Variants in CEP128 observed in about 807,000 individuals in gnomAD.
The protein encoded by CEP128 is centrosomal protein 128, also known as centrosomal protein 128kDa.
CEP128 carries 132 observed loss-of-function variants against 156.7 expected under a neutral mutation model. The observed-to-expected ratio is 0.84, with a 90% CI of 0.73 to 0.97. The LOEUF is 0.97. Ranked by LOEUF, CEP128 falls within the 50% of genes least tolerant of loss-of-function variation. CEP128 has a pLI of 0.00. For synonymous variants in CEP128, 469 were observed against 448.9 expected (o/e 1.04, Z -0.57); for missense variants, 1,252 against 1,281.9 (o/e 0.98, Z 0.36).
chr14:80,581,134 C>T (rs774931735), intron 19 of CEP128, among the ~76,000 whole-genome samples: 1 of 152,130 alleles, frequency 6.6e-6, no homozygotes, highest in Non-Finnish European at 1.5e-5. Flanking sequence ...TATGAACTTG[C>T]TATTAAGAAA....
intron 24 of CEP128, among the ~76,000 whole-genome samples, chr14:80,498,096 C>T (rs1321240146): frequency 6.6e-6 from 1 of 152,150 alleles, no homozygotes; most frequent in Non-Finnish European, 1.5e-5. Context: ...TCTCTGATGC[C>T]TGCTCATTCC....
chr14:80,922,318 A>T (rs1237932400), intron 2 of CEP128, among the ~76,000 whole-genome samples: 2 of 152,196 alleles, frequency 1.3e-5, no homozygotes, highest in African/African-American at 4.8e-5. Context: ...AAGAAACGGG[A>T]TCACAGTGCC....
intron 20 of CEP128, among the ~76,000 whole-genome samples, chr14:80,560,862 C>T (rs529190917): frequency 2.0e-5 from 3 of 152,152 alleles, no homozygotes; most frequent in South Asian, 2.1e-4. Flanking sequence ...ACCTTGTGAT[C>T]GTGCAAGTTA....
intron 19 of CEP128, among the ~76,000 whole-genome samples, chr14:80,740,292 T>C (rs763292876): frequency 6.6e-6 from 1 of 152,098 alleles, no homozygotes; most frequent in East Asian, 1.9e-4. Flanking sequence ...TCATAGAAAC[T>C]CTATGCTAGG....
intron 19 of CEP128, among the ~76,000 whole-genome samples, chr14:80,723,019 G>T (rs1340517776): frequency 1.3e-5 from 2 of 151,748 alleles, no homozygotes; most frequent in Non-Finnish European, 2.9e-5. Context: ...GTAGAGACGG[G>T]GATTCACCGT....
Position 80,914,305 on chromosome 14 carries a change from C to T in CEP128, c.234+17G>A, listed in dbSNP as rs534073552. The T allele has an allele frequency of 1.1e-5, 18 of 1,595,028 alleles. No individual in the cohort carries two copies. The East Asian group carries it at 3.8e-4, about 34-fold the overall frequency. ...AAAGGTGGGTAGGAGAAAATGCAAA[C>T]AAATGTAGTTTCTCACATGTTCTAT... On this transcript the variant is annotated intron_variant, in intron 4 of 24. Transcript: ENST00000555265.
intron 2 of CEP128, among the ~76,000 whole-genome samples, chr14:80,938,070 G>T (rs190253846): frequency 1.1e-4 from 16 of 150,968 alleles, no homozygotes; most frequent in East Asian, 3.9e-4. Flanking sequence ...CTAATTTTTT[G>T]ATTTTTTTGT....
chr14:80,779,646 G>C (rs1012864227), intron 15 of CEP128, among the ~76,000 whole-genome samples: 1 of 152,106 alleles, frequency 6.6e-6, no homozygotes, highest in Non-Finnish European at 1.5e-5. Flanking sequence ...TCATTTGATA[G>C]CTTGAAATCA....
chr14:80,840,699 C>T lies in CEP128; in HGVS notation c.832G>A (p.Glu278Lys). ...GAIKNKLRQT[E>K]TEKNQLEQEL... ...AATCTTACTTGATTCTTCTCAGTTT[C>T]AGTTTGTCTTAGCTTATTTTTTATT... The change falls in exon 10 of 25, where the codon GAA becomes AAA. Residue 278 changes from glutamate (E) to lysine (K), a missense_variant. Glu to Lys is a moderately conservative substitution (Grantham distance 56, BLOSUM62 1). Coordinates refer to ENST00000555265, the MANE Select transcript of CEP128 (RefSeq NM_152446.5). 6.2e-7 allele frequency: 1 copy of T among 1,604,216 alleles called. No individual in the cohort carries two copies. The highest frequency in any genetic ancestry group is 1.1e-5 in the South Asian group (1 of 90,412).
chr14:80,779,420 T>C (rs1426418124), intron 15 of CEP128, among the ~76,000 whole-genome samples: 1 of 152,166 alleles, frequency 6.6e-6, no homozygotes, highest in African/African-American at 2.4e-5. Context: ...CAGCCCAAAA[T>C]AAATTTACAA....
intron 2 of CEP128, among the ~76,000 whole-genome samples, chr14:80,924,110 C>T (rs1301077515): frequency 6.6e-6 from 1 of 152,180 alleles, no homozygotes; most frequent in African/African-American, 2.4e-5. Context: ...AATCTCATGT[C>T]ATATCTTTAT....
At chr14:80,581,302 T>C (rs560663085) in intron 19 of CEP128, among the ~76,000 whole-genome samples, 1 of 152,308 alleles carries the variant, frequency 6.6e-6, no homozygotes, top group South Asian at 2.1e-4. Flanking sequence ...ACTCTCTCAT[T>C]GATATAGCTT....
At chr14:80,825,904 G>C (rs184346933) in intron 13 of CEP128, among the ~76,000 whole-genome samples, 20 of 152,000 alleles carry the variant, frequency 1.3e-4, no homozygotes. Context: ...TCAGGAGTTC[G>C]AGACCAGCCT....
intron 8 of CEP128, among the ~76,000 whole-genome samples, chr14:80,895,440 C>T (rs2139394906): frequency 6.6e-6 from 1 of 152,226 alleles, no homozygotes; most frequent in East Asian, 1.9e-4. Flanking sequence ...TCATCATAAA[C>T]TCTAACCTAG....
intron 24 of CEP128, among the ~76,000 whole-genome samples, chr14:80,501,030 A>G (rs1887707498): frequency 6.6e-6 from 1 of 151,108 alleles, no homozygotes; most frequent in Non-Finnish European, 1.5e-5. Context: ...GTCCACTAGT[A>G]GTCTTTTTTT....
At chr14:80,534,633 G>A (rs912750828) in intron 21 of CEP128, among the ~76,000 whole-genome samples, 9 of 152,022 alleles carry the variant, frequency 5.9e-5, no homozygotes, top group African/African-American at 9.7e-5. Context: ...AGACCATCCT[G>A]GTGAACACGG....
intron 20 of CEP128, among the ~76,000 whole-genome samples, chr14:80,562,189 G>A (rs1196411395): frequency 6.6e-6 from 1 of 151,966 alleles, no homozygotes; most frequent in Non-Finnish European, 1.5e-5. Flanking sequence ...GCCTCCCAAA[G>A]TGCAATAAAT....
In CEP128 at chr14:80,582,870, G is replaced by T. The variant is rs1566792908; in HGVS notation, c.2807-2447C>A. Among the ~76,000 whole-genome samples the T allele has an allele frequency of 3.9e-5, 6 of 152,198 alleles. No homozygotes were observed. The South Asian group carries it at 8.3e-4, about 21-fold the overall frequency. ...GGAGGTTCTCAGAGCTGGGCACTTT[G>T]TAATGAATTAGATTGTTTAATGGTG... On this transcript the variant is annotated intron_variant, in intron 19 of 24. Coordinates refer to ENST00000555265, the MANE Select transcript of CEP128 (RefSeq NM_152446.5).
At chr14:80,652,746 G>A (rs926446569) in intron 19 of CEP128, among the ~76,000 whole-genome samples, 1 of 152,180 alleles carries the variant, frequency 6.6e-6, no homozygotes, top group Admixed American at 6.5e-5. Flanking sequence ...TGGTGGGAGT[G>A]TAAATTTATT....
Sources: allele counts gnomAD v4.1 joint callset (sites outside exome capture counted in the v4.1 genomes callset), GRCh38; gene constraint gnomAD v4.1.1; transcripts MANE v1.5; gene names NCBI Gene and HGNC (gene_info 2026-07-23, HGNC 2026-07-21).